Variants in KLHL42 observed in about 807,000 individuals in gnomAD.
The protein encoded by KLHL42 is kelch-like protein 42.
Under a neutral mutation model 32.7 loss-of-function variants are expected in KLHL42, and 27 were observed. The observed-to-expected ratio is 0.83, with a 90% CI of 0.61 to 1.14. KLHL42 has a LOEUF of 1.14. KLHL42 is among the 50% of genes most tolerant of loss of function. The pLI, the probability that KLHL42 is intolerant of heterozygous loss-of-function variation, is 0.00. For synonymous variants in KLHL42, 267 were observed against 248.2 expected (o/e 1.08, Z -0.71); for missense variants, 491 against 560.8 (o/e 0.88, Z 1.26).
At position 27,780,914 on chromosome 12, in the gene KLHL42, T is replaced by C; in HGVS notation, c.584T>C (p.Val195Ala). The C allele has an allele frequency of 6.2e-7, 1 of 1,607,750 alleles. No homozygotes were observed. The highest frequency in any genetic ancestry group is 8.5e-7 in the Non-Finnish European group (1 of 1,175,018). Residue 195 changes from valine to alanine, a missense_variant, in exon 1 of 3, where the codon GTC becomes GCC. This residue lies in a region of KLHL42 where 248 missense variants were observed against 329.2 expected (regional missense o/e 0.75). Transcript: ENST00000381271. This position sits in a 1 kb window ranked among gnomAD's most constrained non-coding sequence, Gnocchi z 8.8. ...GAGGCCCGGATGACTGGGACTCCTGTCCTCGTGGCCCTCGGGGACTTCCTG... is the reference window on the plus strand; with the variant it reads ...GAGGCCCGGATGACTGGGACTCCTGCCCTCGTGGCCCTCGGGGACTTCCTG... ...LREARMTGTP[V>A]LVALGDFLGG...
chr12:27,796,419 G>A (rs2062218864), intron 2 of KLHL42, among the ~76,000 whole-genome samples: 1 of 152,154 alleles, frequency 6.6e-6, no homozygotes, highest in Non-Finnish European at 1.5e-5. Context: ...CTCCTTCATG[G>A]ATAGGATTTG....
Position 27,801,870 on chromosome 12 carries a change from G to A in KLHL42, c.*3704G>A, listed in dbSNP as rs562597174. ...TCTGTCATGTGCAAGACAATGCTAAGAACAGAATACAGACATAAATAAGTC... is the reference window on the plus strand; with the variant it reads ...TCTGTCATGTGCAAGACAATGCTAAAAACAGAATACAGACATAAATAAGTC... On this transcript the variant is annotated 3_prime_UTR_variant, in exon 3 of 3. Transcript: ENST00000381271. 2.0e-4 allele frequency: 31 copies of A among 152,292 alleles called. No homozygotes were observed. The highest frequency in any genetic ancestry group is 7.2e-4 in the African/African-American group (30 of 41,552). The allele number at this position is 152,292 out of a possible 1,614,324, so 9.4% of individuals were successfully genotyped here. A position where few individuals can be genotyped will look rare whatever the true frequency, so the allele number is the denominator to read the frequency against.
intron 1 of KLHL42, among the ~76,000 whole-genome samples, chr12:27,784,655 G>C (rs1421268648): frequency 6.6e-6 from 1 of 151,982 alleles, no homozygotes; most frequent in Non-Finnish European, 1.5e-5. Context: ...TAAATAAATA[G>C]ATTTTGGTTG....
chr12:27,799,443 G>A lies in KLHL42; in HGVS notation c.*1277G>A, dbSNP rs541047830. 20 of 152,264 alleles carry A rather than the reference G, an allele frequency of 1.3e-4. No individual in the cohort carries two copies. The highest frequency in any genetic ancestry group is 2.4e-4 in the Non-Finnish European group (16 of 68,022). 9.4% of individuals were successfully genotyped at this position (152,264 alleles called of 1,614,324 possible). The stretch of plus-strand genomic sequence containing the variant: ...ACACTCTGAAATTATCTGATATTTT[G>A]TAATGGCATCAGTTAAACTGTGAGC... On this transcript the variant is annotated 3_prime_UTR_variant, in exon 3 of 3. Coordinates refer to ENST00000381271, the MANE Select transcript of KLHL42 (RefSeq NM_020782.2).
chr12:27,780,822 C>T lies in KLHL42; in HGVS notation c.492C>T (p.Pro164=), dbSNP rs143561055. 1.2e-6 allele frequency: 2 copies of T among 1,613,826 alleles called. No homozygotes were observed. The highest frequency in any genetic ancestry group is 1.7e-6 in the Non-Finnish European group (2 of 1,180,002). ...VVHFHEVLCK[P]QFHLLGSPPQ... ...ACTTCCACGAGGTGCTGTGCAAGCC[C>T]CAGTTCCACCTCCTGGGGTCTCCTC... The change falls in exon 1 of 3, where the codon CCC becomes CCT. Residue 164 remains proline (P), a synonymous_variant. Transcript: ENST00000381271. This position sits in a 1 kb window ranked among gnomAD's most constrained non-coding sequence, Gnocchi z 8.8.
chr12:27,791,725 T>C lies in KLHL42; in HGVS notation c.890T>C (p.Val297Ala). The C allele has an allele frequency of 1.2e-6, 2 of 1,614,128 alleles. No individual in the cohort carries two copies. Among genetic ancestry groups the C allele is most frequent in the East Asian group, 2.2e-5 (1 of 44,878 alleles). Residue 297 changes from valine to alanine, a missense_variant, in exon 2 of 3, where the codon GTG becomes GCG. Coordinates refer to ENST00000381271, the MANE Select transcript of KLHL42 (RefSeq NM_020782.2). Reference sequence around the variant, plus strand: ...TCTTTCAGGTCTAACTTCAAACTTGTGGCTGTTAATTCAAAACTCTATGCC... The same window carrying C: ...TCTTTCAGGTCTAACTTCAAACTTGCGGCTGTTAATTCAAAACTCTATGCC... ...MNQKRSNFKL[V>A]AVNSKLYAIG...
At chr12:27,789,570 A>G (rs955184748) in intron 1 of KLHL42, among the ~76,000 whole-genome samples, 1 of 152,222 alleles carries the variant, frequency 6.6e-6, no homozygotes, top group African/African-American at 2.4e-5. Context: ...CTGGATAAAT[A>G]CTAAAAACTG....
rs4931486 is a variant in KLHL42 at position 27,802,042 on chromosome 12, C to T, written c.*3876C>T. 1 allele frequency: 151,507 copies of T among 152,260 alleles called. 75,384 individuals carry two copies. The highest frequency in any genetic ancestry group is 1 in the East Asian group (5,184 of 5,184). 9.4% of individuals were successfully genotyped at this position (152,260 alleles called of 1,614,324 possible). ...TGGTCCCTTCGGTCTTGGCCCTGTC[C>T]GTCCTTTGTTTTTGTGATTTACTAA... On this transcript the variant is annotated 3_prime_UTR_variant, in exon 3 of 3. Coordinates refer to ENST00000381271, the MANE Select transcript of KLHL42 (RefSeq NM_020782.2).
At chr12:27,791,336 A>G (rs1266665725) in intron 1 of KLHL42, among the ~76,000 whole-genome samples, 1 of 152,214 alleles carries the variant, frequency 6.6e-6, no homozygotes, top group African/African-American at 2.4e-5. Context: ...GAGAGGTGAA[A>G]GACAATGGGG....
At chr12:27,795,947 G>A (rs922201857) in intron 2 of KLHL42, among the ~76,000 whole-genome samples, 8 of 152,190 alleles carry the variant, frequency 5.3e-5, no homozygotes, top group African/African-American at 1.7e-4. Flanking sequence ...TGAGAAATAC[G>A]TGGAAGCCTC....
At position 27,791,814 on chromosome 12, in the gene KLHL42, G is replaced by C. The variant is rs1490190058; in HGVS notation, c.979G>C (p.Val327Leu). 4 of 1,614,084 alleles carry C rather than the reference G, an allele frequency of 2.5e-6. No homozygotes were observed. In the African/African-American group the frequency reaches 5.3e-5, roughly 22 times the overall value. ...CCCCGAGCAGGATGCGTGGAATTTTGTGGCGCCCTTACCCAATCCTCTGGC... is the reference window on the plus strand; with the variant it reads ...CCCCGAGCAGGATGCGTGGAATTTTCTGGCGCCCTTACCCAATCCTCTGGC... Reference protein sequence around the residue: ...YNPEQDAWNFVAPLPNPLAEF... With the variant: ...YNPEQDAWNFLAPLPNPLAEF... The change falls in exon 2 of 3, where the codon GTG (valine) becomes CTG (leucine). Residue 327 changes from valine (V) to leucine (L), a missense_variant. Around this residue, in one of 4 missense-constraint regions of KLHL42, gnomAD observed 248 missense variants for 329.2 expected, o/e 0.75. Coordinates refer to ENST00000381271, the MANE Select transcript of KLHL42 (RefSeq NM_020782.2).
intron 1 of KLHL42, among the ~76,000 whole-genome samples, chr12:27,787,388 GA>G (rs770258248): frequency 2.3e-4 from 35 of 151,496 alleles, no homozygotes; most frequent in Non-Finnish European, 4.7e-4. Context: ...CTAGCTACTT[GA>G]GAGGCCGAGG....
intron 1 of KLHL42, among the ~76,000 whole-genome samples, chr12:27,783,246 G>T (rs560785570): frequency 6.6e-6 from 1 of 152,192 alleles, no homozygotes; most frequent in Admixed American, 6.5e-5. Flanking sequence ...TCATCTTGAC[G>T]CTGAGTAGGC....
chr12:27,792,642 GC>G (rs930208999), intron 2 of KLHL42, among the ~76,000 whole-genome samples: 1 of 152,070 alleles, frequency 6.6e-6, no homozygotes, highest in Non-Finnish European at 1.5e-5. Context: ...TCCTGCCTCA[GC>G]CCCCCAAGTA....
Position 27,798,183 on chromosome 12 carries a change from G to A in KLHL42, c.*17G>A, listed in dbSNP as rs1259073992. 1 of 758,328 alleles carries A rather than the reference G, an allele frequency of 1.3e-6. No individual in the cohort carries two copies. The highest frequency in any genetic ancestry group is 2.4e-5 in the East Asian group (1 of 41,008). The allele number at this position is 758,328 out of a possible 1,614,324, so 47.0% of individuals were successfully genotyped here. A position where few individuals can be genotyped will look rare whatever the true frequency, so the allele number is the denominator to read the frequency against. ...GAAACATGACTGAATTGAATTGGTA[G>A]ATGAAAAAAACCTGGTTCAAGTTTT... On this transcript the variant is annotated 3_prime_UTR_variant, in exon 3 of 3. Coordinates refer to ENST00000381271, the MANE Select transcript of KLHL42 (RefSeq NM_020782.2).
intron 1 of KLHL42, among the ~76,000 whole-genome samples, chr12:27,789,604 T>C (rs1233765572): frequency 6.6e-6 from 1 of 152,210 alleles, no homozygotes; most frequent in Non-Finnish European, 1.5e-5. Flanking sequence ...AAATTTACTA[T>C]CTGTGTACCT....
rs1029803588 is a variant in KLHL42 at position 27,802,195 on chromosome 12, G to A, written c.*4029G>A. The A allele has an allele frequency of 2.6e-5, 4 of 152,034 alleles. No individual in the cohort carries two copies. The highest frequency in any genetic ancestry group is 7.2e-5 in the African/African-American group (3 of 41,418). 9.4% of individuals were successfully genotyped at this position (152,034 alleles called of 1,614,324 possible). A position where few individuals can be genotyped will look rare whatever the true frequency, so the allele number is the denominator to read the frequency against. ...CTCTGTACTTCATTTTTGTGAAAAA[G>A]TGAAAATCACATATAATCTTTATTT... On this transcript the variant is annotated 3_prime_UTR_variant, in exon 3 of 3. Transcript: ENST00000381271.
At position 27,780,259 on chromosome 12, in the gene KLHL42, GCGCGCGCGTA is replaced by G. The variant is rs1565480206; in HGVS notation, c.-71_-62del. ...TCCCTCGGCGCCCCGCCCGGAACCG[GCGCGCGCGTA>G]GGGGCTGGGAGGCCGGCGCGCAGAT... On this transcript the variant is annotated 5_prime_UTR_variant, in exon 1 of 3. Transcript: ENST00000381271. This position sits in a 1 kb window ranked among gnomAD's most constrained non-coding sequence, Gnocchi z 8.8. The G allele has an allele frequency of 1.5e-6, 2 of 1,366,308 alleles. No homozygotes were observed. Among genetic ancestry groups the G allele is most frequent in the East Asian group, 6.2e-5 (2 of 32,098 alleles). The allele number at this position is 1,366,308 out of a possible 1,614,324, so 84.6% of individuals were successfully genotyped here. A position where few individuals can be genotyped will look rare whatever the true frequency, so the allele number is the denominator to read the frequency against.
chr12:27,788,502 C>T (rs975097354), intron 1 of KLHL42, among the ~76,000 whole-genome samples: 5 of 152,104 alleles, frequency 3.3e-5, no homozygotes, highest in South Asian at 2.1e-4. Flanking sequence ...TTGAGATCTG[C>T]GTGCTGGTGT....
Sources: allele counts gnomAD v4.1 joint callset (sites outside exome capture counted in the v4.1 genomes callset), GRCh38; gene constraint gnomAD v4.1.1; regional missense constraint gnomAD v4.1.1; non-coding constraint Gnocchi (gnomAD v3.1); transcripts MANE v1.5; gene names NCBI Gene and HGNC (gene_info 2026-07-23, HGNC 2026-07-21).